LHFPL3: variants seen among roughly 807,000 people sequenced by gnomAD.
LHFPL3 encodes LHFPL tetraspan subfamily member 3.
In LHFPL3, 5 loss-of-function variants were observed where a neutral mutation model predicts 19.3. That is an observed-to-expected ratio of 0.26 (90% CI 0.14 to 0.54). The LOEUF (loss-of-function observed/expected upper bound fraction) is 0.54, where lower values mean the gene tolerates loss of function less well. Ranked by LOEUF, LHFPL3 falls within the 20% of genes least tolerant of loss-of-function variation. The pLI is 0.94. For missense variants in LHFPL3, 249 were observed against 307.4 expected, an observed-to-expected ratio of 0.81 and a Z score of 1.42; for synonymous variants, 133 against 126.2, an observed-to-expected ratio of 1.05 and a Z score of -0.36.
chr7:104,414,122 CT>C (rs1401441256), intron 1 of LHFPL3, among the ~76,000 whole-genome samples: 4 of 150,134 alleles, frequency 2.7e-5, no homozygotes, highest in South Asian at 2.1e-4. Context: ...CGCACAGAAG[CT>C]TTTTTTTTCT....
At chr7:104,522,421 G>A (rs1261518232) in intron 1 of LHFPL3, among the ~76,000 whole-genome samples, 1 of 148,448 alleles carries the variant, frequency 6.7e-6, no homozygotes, top group East Asian at 2.0e-4. Context: ...TGGATTGGGA[G>A]ATATACCTAA....
At chr7:104,831,953 C>T (rs1373388458) in intron 2 of LHFPL3, among the ~76,000 whole-genome samples, 3 of 151,988 alleles carry the variant, frequency 2.0e-5, no homozygotes, top group Non-Finnish European at 4.4e-5. Flanking sequence ...AAGGAAATGC[C>T]TGGCATTCAG....
At chr7:104,892,668 G>C (rs189802662) in intron 2 of LHFPL3, among the ~76,000 whole-genome samples, 1 of 134,548 alleles carries the variant, frequency 7.4e-6, no homozygotes, top group Non-Finnish European at 1.5e-5. Context: ...CTGAGACCAC[G>C]CCACTGCACT....
At chr7:104,604,944 C>G (rs904992425) in intron 1 of LHFPL3, among the ~76,000 whole-genome samples, 4 of 152,138 alleles carry the variant, frequency 2.6e-5, no homozygotes, top group Admixed American at 6.5e-5. Context: ...CACAAAGGAC[C>G]ATTAGAATTA....
chr7:104,721,226 A>G (rs1793484242), intron 1 of LHFPL3, among the ~76,000 whole-genome samples: 2 of 152,196 alleles, frequency 1.3e-5, no homozygotes, highest in Non-Finnish European at 1.5e-5. Flanking sequence ...GGATGAGTTC[A>G]TGTCTCTTGC....
chr7:104,676,253 A>G (rs1343410254), intron 1 of LHFPL3, among the ~76,000 whole-genome samples: 1 of 152,254 alleles, frequency 6.6e-6, no homozygotes, highest in Non-Finnish European at 1.5e-5. Context: ...AGGCAAAACC[A>G]AGATCAGGTT....
At chr7:104,603,542 A>G (rs752840415) in intron 1 of LHFPL3, among the ~76,000 whole-genome samples, 48 of 152,194 alleles carry the variant, frequency 3.2e-4, no homozygotes, top group Non-Finnish European at 1.0e-4. Flanking sequence ...TCAAAAGCTC[A>G]AAGTCCAAAG....
chr7:104,361,156 C>A (rs1584266831), intron 1 of LHFPL3, among the ~76,000 whole-genome samples: 1 of 152,156 alleles, frequency 6.6e-6, no homozygotes, highest in Non-Finnish European at 1.5e-5. Context: ...GACTGGATGG[C>A]CCACTAAGCC....
At chr7:104,697,704 T>C (rs1284190645) in intron 1 of LHFPL3, among the ~76,000 whole-genome samples, 1 of 152,268 alleles carries the variant, frequency 6.6e-6, no homozygotes, top group Non-Finnish European at 1.5e-5. Flanking sequence ...GCTTTTCATC[T>C]AACTTGTCTT....
At chr7:104,585,125 A>T (rs1790540273) in intron 1 of LHFPL3, among the ~76,000 whole-genome samples, 1 of 151,752 alleles carries the variant, frequency 6.6e-6, no homozygotes, top group African/African-American at 2.4e-5. Context: ...CTCTTGAGTA[A>T]TCTTCTACCT....
chr7:104,512,510 G>T (rs1318728581), intron 1 of LHFPL3, among the ~76,000 whole-genome samples: 2 of 151,990 alleles, frequency 1.3e-5, no homozygotes, highest in East Asian at 1.9e-4. Flanking sequence ...GCTGAGATGG[G>T]TGGGTCACTT....
chr7:104,882,640 G>C (rs1792078696), intron 2 of LHFPL3, among the ~76,000 whole-genome samples: 1 of 152,156 alleles, frequency 6.6e-6, no homozygotes, highest in Admixed American at 6.5e-5. Flanking sequence ...GAGGGGAGTG[G>C]AGAATGGTGA....
At chr7:104,362,881 C>T (rs963549862) in intron 1 of LHFPL3, among the ~76,000 whole-genome samples, 1 of 152,160 alleles carries the variant, frequency 6.6e-6, no homozygotes, top group East Asian at 1.9e-4. Context: ...TGGGTGGGAG[C>T]TACAAAACCA....
At chr7:104,603,880 C>A (rs190194509) in intron 1 of LHFPL3, among the ~76,000 whole-genome samples, 112 of 152,284 alleles carry the variant, frequency 7.4e-4, no homozygotes, top group African/African-American at 2.6e-3. Context: ...AGGCCTCAGG[C>A]AGCCCTGTCT....
chr7:104,413,415 A>T (rs973321006), intron 1 of LHFPL3, among the ~76,000 whole-genome samples: 3 of 152,206 alleles, frequency 2.0e-5, no homozygotes, highest in African/African-American at 7.2e-5. Context: ...GCCAAGACTT[A>T]TAAAGCATTT....
intron 1 of LHFPL3, among the ~76,000 whole-genome samples, chr7:104,572,442 T>A (rs1235473275): frequency 6.6e-6 from 1 of 152,230 alleles, no homozygotes; most frequent in Non-Finnish European, 1.5e-5. Flanking sequence ...AAGAATTTTA[T>A]GGATTCATGG....
intron 2 of LHFPL3, among the ~76,000 whole-genome samples, chr7:104,862,274 C>A (rs772442274): frequency 6.6e-6 from 1 of 152,080 alleles, no homozygotes; most frequent in South Asian, 2.1e-4. Context: ...ATCCCCTATG[C>A]CCTGAATTGT....
intron 1 of LHFPL3, among the ~76,000 whole-genome samples, chr7:104,500,628 T>G (rs569345118): frequency 6.6e-6 from 1 of 152,272 alleles, no homozygotes; most frequent in South Asian, 2.1e-4. Flanking sequence ...ACCTGGACCA[T>G]TATAATATTG....
At chr7:104,836,590 A>C (rs146638555) in intron 2 of LHFPL3, among the ~76,000 whole-genome samples, 91 of 152,302 alleles carry the variant, frequency 6.0e-4, no homozygotes, top group South Asian at 1.4e-3. Context: ...AAAGTTGACC[A>C]TCTGCCCTGA....
Sources: allele counts gnomAD v4.1 joint callset (sites outside exome capture counted in the v4.1 genomes callset), GRCh38; gene constraint gnomAD v4.1.1; transcripts MANE v1.5; gene names NCBI Gene and HGNC (gene_info 2026-07-23, HGNC 2026-07-21).